TMEM266: variants seen among roughly 807,000 people sequenced by gnomAD.
TMEM266 encodes the protein transmembrane protein 266, also known as Hv1 related protein 1.
In TMEM266, 33 loss-of-function variants were observed where a neutral mutation model predicts 50.5. The ratio of observed to expected loss-of-function variants is 0.65; its 90% CI spans 0.50 to 0.87. TMEM266 has a LOEUF of 0.87. TMEM266 is among the 40% of genes least tolerant of loss of function. TMEM266 has a pLI of 0.00. For synonymous variants in TMEM266, 310 were observed against 292.3 expected, an observed-to-expected ratio of 1.06 and a Z score of -0.62; for missense variants, 655 against 695.1, an observed-to-expected ratio of 0.94 and a Z score of 0.65.
At chr15:76,159,530 C>T (rs2037982545) in intron 4 of TMEM266, among the ~76,000 whole-genome samples, 1 of 152,138 alleles carries the variant, frequency 6.6e-6, no homozygotes, top group African/African-American at 2.4e-5. Context: ...CCACCCCATG[C>T]CCAGCTCCCC....
intron 1 of TMEM266, among the ~76,000 whole-genome samples, chr15:76,126,443 G>C (rs1046376555): frequency 2.7e-5 from 4 of 149,768 alleles, no homozygotes; most frequent in African/African-American, 9.8e-5. Flanking sequence ...CAATAATATT[G>C]CCACTTGCAA....
At chr15:76,155,311 C>T (rs12102276) in intron 3 of TMEM266, among the ~76,000 whole-genome samples, 2,205 of 152,276 alleles carry the variant, frequency 0.014, 35 homozygotes, top group African/African-American at 0.051. Flanking sequence ...TTGACCTCAG[C>T]TCCCCCATCT....
intron 3 of TMEM266, among the ~76,000 whole-genome samples, chr15:76,150,680 G>A (rs1395670252): frequency 6.6e-6 from 1 of 152,096 alleles, no homozygotes. Flanking sequence ...CCCCACAGAA[G>A]CAAGCACAGC....
At chr15:76,080,408 C>T (rs1053597112) in intron 1 of TMEM266, among the ~76,000 whole-genome samples, 34 of 148,046 alleles carry the variant, frequency 2.3e-4, no homozygotes, top group Middle Eastern at 3.4e-3. Flanking sequence ...TGCACCACCA[C>T]GCCTGGCTAA....
intron 8 of TMEM266, 117 bp downstream of exon 8, chr15:76,175,791 C>G (rs996130091): frequency 2.7e-5 from 20 of 746,324 alleles, no homozygotes; most frequent in Admixed American, 1.0e-4. Context: ...TCCTCCAGCC[C>G]CTTGTTGGAC....
Position 76,139,331 on chromosome 15 carries a change from G to T in TMEM266, c.227+1436G>T, listed in dbSNP as rs1343414981. 6.6e-6 allele frequency among the ~76,000 whole-genome samples: 1 copy of T among 152,180 alleles called. No individual in the cohort carries two copies. Among genetic ancestry groups the T allele is most frequent in the Non-Finnish European group, 1.5e-5 (1 of 68,042 alleles). On this transcript the variant is annotated intron_variant, in intron 3 of 10. Transcript: ENST00000388942. The surrounding 1 kb of genome is among the most constrained non-coding windows in gnomAD (Gnocchi z 4.1). ...AATTTTTCCAAGTATTATGCATATT[G>T]TCATCAGGACACTGGACAAAAAAGG...
chr15:76,084,382 A>G (rs551591184), intron 1 of TMEM266, among the ~76,000 whole-genome samples: 75 of 152,320 alleles, frequency 4.9e-4, no homozygotes, highest in African/African-American at 1.6e-3. Flanking sequence ...AAGGAAGACA[A>G]TGGCATTCTG....
intron 1 of TMEM266, among the ~76,000 whole-genome samples, chr15:76,115,466 C>T (rs921592278): frequency 3.3e-5 from 5 of 152,230 alleles, no homozygotes; most frequent in South Asian, 2.1e-4. Flanking sequence ...TCTGGCCCTA[C>T]GCTCTCTGCT....
chr15:76,137,907 G>A lies in TMEM266; in HGVS notation c.227+12G>A. On this transcript the variant is annotated intron_variant, in intron 3 of 10. Coordinates refer to ENST00000388942, the MANE Select transcript of TMEM266 (RefSeq NM_152335.3). ...TACCAAAGAGAAGGGTAGGTGCTGG[G>A]ACCATTGAGCTAGCTAAGAAGTCCC... 3 of 1,549,352 alleles carry A rather than the reference G, an allele frequency of 1.9e-6. No individual in the cohort carries two copies. Among genetic ancestry groups the A allele is most frequent in the Non-Finnish European group, 2.6e-6 (3 of 1,149,710 alleles).
chr15:76,172,327 A>G (rs985475626), intron 7 of TMEM266, among the ~76,000 whole-genome samples: 5 of 152,222 alleles, frequency 3.3e-5, no homozygotes, highest in African/African-American at 1.2e-4. Flanking sequence ...AGGCACCTCT[A>G]AGAAACTGCC....
chr15:76,173,079 A>G (rs1405646575), intron 7 of TMEM266, among the ~76,000 whole-genome samples: 1 of 152,128 alleles, frequency 6.6e-6, no homozygotes, highest in Non-Finnish European at 1.5e-5. Flanking sequence ...ACTCTTGCAA[A>G]TTAACCCTGG....
In TMEM266 at chr15:76,125,003, A is replaced by G. The variant is rs192890194; in HGVS notation, c.-96-9165A>G. ...TCCTGGCATAAAAACAGGCTGACCA[A>G]TGGAACAGAACAAAGAGCCCAGAAA... On this transcript the variant is annotated intron_variant, in intron 1 of 10. Coordinates refer to ENST00000388942, the MANE Select transcript of TMEM266 (RefSeq NM_152335.3). Among the ~76,000 whole-genome samples the G allele has an allele frequency of 3.9e-5, 6 of 152,332 alleles. No homozygotes were observed. In the East Asian group the frequency reaches 9.6e-4, roughly 24 times the overall value.
chr15:76,135,337 G>A (rs1343852202), intron 2 of TMEM266, among the ~76,000 whole-genome samples: 1 of 152,200 alleles, frequency 6.6e-6, no homozygotes, highest in African/African-American at 2.4e-5. Flanking sequence ...AGGGGGCCTT[G>A]TCTCTCTGCT....
chr15:76,203,880 G>A lies in TMEM266; in HGVS notation c.1161G>A (p.Glu387=), dbSNP rs1337991378. 6.2e-7 allele frequency: 1 copy of A among 1,614,084 alleles called. No individual in the cohort carries two copies. Among genetic ancestry groups the A allele is most frequent in the Non-Finnish European group, 8.5e-7 (1 of 1,180,052 alleles). ...GTAATGGCACCAGCGCCACCTCGGAGAGTGCCTCCCGCAGCTCAGTCACCC... is the reference window on the plus strand; with the variant it reads ...GTAATGGCACCAGCGCCACCTCGGAAAGTGCCTCCCGCAGCTCAGTCACCC... The change falls in exon 11 of 11, where the codon GAG becomes GAA. Residue 387 remains glutamate, a synonymous_variant. Transcript: ENST00000388942.
intron 1 of TMEM266, among the ~76,000 whole-genome samples, chr15:76,115,743 C>G (rs2037237221): frequency 6.6e-6 from 1 of 152,048 alleles, no homozygotes; most frequent in South Asian, 2.1e-4. Flanking sequence ...AGACAGGGCG[C>G]TTTTCGTATT....
intron 1 of TMEM266, among the ~76,000 whole-genome samples, chr15:76,090,422 G>T (rs2036832636): frequency 6.6e-6 from 1 of 151,016 alleles, no homozygotes; most frequent in South Asian, 2.1e-4. Context: ...AACTTGGGAG[G>T]TGGAGGTTGC....
At chr15:76,117,407 A>G (rs2037267943) in intron 1 of TMEM266, among the ~76,000 whole-genome samples, 1 of 152,008 alleles carries the variant, frequency 6.6e-6, no homozygotes, top group Non-Finnish European at 1.5e-5. Context: ...GTCTTTATTT[A>G]CACGTGGCAA....
chr15:76,173,212 C>T (rs1252831111), intron 7 of TMEM266, among the ~76,000 whole-genome samples: 5 of 152,160 alleles, frequency 3.3e-5, no homozygotes, highest in East Asian at 1.9e-4. Flanking sequence ...AATGTCTCTT[C>T]TCTGCTGATT....
At chr15:76,180,060 C>T (rs1298818766) in intron 8 of TMEM266, among the ~76,000 whole-genome samples, 3 of 152,170 alleles carry the variant, frequency 2.0e-5, no homozygotes, top group African/African-American at 7.2e-5. Flanking sequence ...TCACCCAGCT[C>T]TTTTTAAAAA....
Sources: allele counts gnomAD v4.1 joint callset (sites outside exome capture counted in the v4.1 genomes callset), GRCh38; gene constraint gnomAD v4.1.1; non-coding constraint Gnocchi (gnomAD v3.1); transcripts MANE v1.5; gene names NCBI Gene and HGNC (gene_info 2026-07-23, HGNC 2026-07-21).